EDA: variants seen among roughly 807,000 people sequenced by gnomAD.
The protein encoded by EDA is ectodysplasin A, also known as ectodysplasin-A.
EDA carries 2 observed loss-of-function variants against 23.6 expected under a neutral mutation model. That is an observed-to-expected ratio of 0.08 (90% CI 0.03 to 0.27). EDA has a LOEUF of 0.27. Ranked by LOEUF, EDA falls within the 10% of genes least tolerant of loss-of-function variation. EDA has a pLI of 1.00. For missense variants in EDA, 229 were observed against 324.2 expected (o/e 0.71, Z 2.26); for synonymous variants, 131 against 132.0 (o/e 0.99, Z 0.05).
At chrX:69,686,201 G>T (rs1247939914) in intron 1 of EDA, among the ~76,000 whole-genome samples, 1 of 111,824 alleles carries the variant, frequency 8.9e-6, no homozygotes, top group Admixed American at 9.4e-5. Context: ...TTGAGACAGG[G>T]TTTCACCATG....
At chrX:69,887,939 A>G (rs1449617089) in intron 1 of EDA, among the ~76,000 whole-genome samples, 1 of 112,074 alleles carries the variant, frequency 8.9e-6, no homozygotes, top group Non-Finnish European at 1.9e-5. Context: ...CTTAGAATTG[A>G]AACAAAAGGA....
intron 1 of EDA, among the ~76,000 whole-genome samples, chrX:69,784,027 T>G (rs1337073176): frequency 9.2e-6 from 1 of 108,899 alleles, no homozygotes; most frequent in African/African-American, 3.3e-5. Context: ...TTGATTTGCA[T>G]TTCTCTGATG....
chrX:69,644,087 T>C (rs1932874738), intron 1 of EDA, among the ~76,000 whole-genome samples: 1 of 111,460 alleles, frequency 9.0e-6, no homozygotes, highest in Non-Finnish European at 1.9e-5. Context: ...CTATTTGGGC[T>C]CTTTTTTGGT....
intron 1 of EDA, among the ~76,000 whole-genome samples, chrX:69,685,213 A>T (rs2147290117): frequency 8.9e-6 from 1 of 112,149 alleles, no homozygotes; most frequent in Admixed American, 9.5e-5. Flanking sequence ...TTTCTGAATA[A>T]TGGAGAAAAC....
intron 1 of EDA, among the ~76,000 whole-genome samples, chrX:69,894,661 T>G (rs1312112924): frequency 9.0e-6 from 1 of 111,444 alleles, no homozygotes; most frequent in Non-Finnish European, 1.9e-5. Flanking sequence ...TTATCTTTTT[T>G]GTGGCTATTG....
In EDA at chrX:69,788,217, C is replaced by T. The variant is rs184421728; in HGVS notation, c.397-168810C>T. On this transcript the variant is annotated intron_variant, in intron 1 of 7. Transcript: ENST00000374552. ...TCTAAATTGTTTTCAAAGTTTTCAA[C>T]TTCTTTGCCTTTGGTTTGAATTTCC... Among the ~76,000 whole-genome samples, 46 of 111,915 alleles carry T rather than the reference C, an allele frequency of 4.1e-4. No individual in the cohort carries two copies. In the East Asian group the frequency reaches 0.01, roughly 25 times the overall value.
chrX:69,677,668 T>C (rs1269490901), intron 1 of EDA, among the ~76,000 whole-genome samples: 2 of 106,561 alleles, frequency 1.9e-5, no homozygotes, highest in Admixed American at 2.0e-4. Context: ...CACTTTTTGA[T>C]GGGGTTGTTT....
At chrX:69,777,868 A>G (rs982174021) in intron 1 of EDA, among the ~76,000 whole-genome samples, 5 of 112,350 alleles carry the variant, frequency 4.5e-5, no homozygotes, top group African/African-American at 1.3e-4. Flanking sequence ...CTAAAAATGC[A>G]TGTGGATGTT....
At chrX:69,620,258 T>C (rs1198011939) in intron 1 of EDA, among the ~76,000 whole-genome samples, 4 of 112,431 alleles carry the variant, frequency 3.6e-5, no homozygotes, top group Non-Finnish European at 7.5e-5. Context: ...TAGTATCTTA[T>C]TCAACTCATT....
intron 1 of EDA, among the ~76,000 whole-genome samples, chrX:69,747,927 C>T (rs2013673928): frequency 9.0e-6 from 1 of 111,263 alleles, no homozygotes; most frequent in Non-Finnish European, 1.9e-5. Flanking sequence ...GTTAATTCAG[C>T]CACTGCCCTG....
chrX:69,963,854 AT>A (rs1267552773), intron 2 of EDA, among the ~76,000 whole-genome samples: 1 of 111,663 alleles, frequency 9.0e-6, no homozygotes, highest in African/African-American at 3.3e-5. Flanking sequence ...TATTTATGGG[AT>A]TTTTTAAATT....
intron 1 of EDA, among the ~76,000 whole-genome samples, chrX:69,856,183 G>A (rs1398144703): frequency 9.2e-6 from 1 of 108,391 alleles, no homozygotes; most frequent in Non-Finnish European, 1.9e-5. Context: ...TAGAATGATG[G>A]TCTCCAACTC....
At chrX:69,971,811 A>G (rs1331456328) in intron 2 of EDA, among the ~76,000 whole-genome samples, 1 of 111,121 alleles carries the variant, frequency 9.0e-6, no homozygotes, top group Non-Finnish European at 1.9e-5. Context: ...CATAATGCAA[A>G]CAGTTAAGTA....
In EDA at chrX:70,036,157, G is replaced by C. The variant is rs2020265028; in HGVS notation, c.*548G>C. On this transcript the variant is annotated 3_prime_UTR_variant, in exon 8 of 8. Transcript: ENST00000374552. ...CTGCCAAGGAGCATCCTTGGCAGTGGGAATGTTCTTTCTGCTCTATACTGT... is the reference window on the plus strand; with the variant it reads ...CTGCCAAGGAGCATCCTTGGCAGTGCGAATGTTCTTTCTGCTCTATACTGT... 8.4e-6 allele frequency: 1 copy of C among 118,381 alleles called. No homozygotes were observed. The highest frequency in any genetic ancestry group is 3.3e-5 in the African/African-American group (1 of 30,672). 9.8% of individuals were successfully genotyped at this position (118,381 alleles called of 1,213,427 possible).
intron 2 of EDA, among the ~76,000 whole-genome samples, chrX:70,022,493 C>A (rs1461562680): frequency 1.8e-5 from 2 of 109,053 alleles, no homozygotes; most frequent in Non-Finnish European, 3.8e-5. Context: ...CCCACCACCA[C>A]GCCCAGCTAA....
intron 1 of EDA, chrX:69,743,070 T>G (rs996244306): frequency 1.8e-5 from 2 of 111,477 alleles, no homozygotes; most frequent in African/African-American, 3.3e-5. Flanking sequence ...ACCTCATTTT[T>G]TTCCTACCTC....
In EDA at chrX:70,035,740, T is replaced by C; in HGVS notation, c.*131T>C. Reference sequence around the variant, plus strand: ...CCGCAGAGAAATGCCCCAGTGTTATTTATTCCCCAGTGACTCCAGGGTGAC... The same window carrying C: ...CCGCAGAGAAATGCCCCAGTGTTATCTATTCCCCAGTGACTCCAGGGTGAC... On this transcript the variant is annotated 3_prime_UTR_variant, in exon 8 of 8. Transcript: ENST00000374552. 4 of 858,919 alleles carry C rather than the reference T, an allele frequency of 4.7e-6. No individual in the cohort carries two copies. Among genetic ancestry groups the C allele is most frequent in the Non-Finnish European group, 6.6e-6 (4 of 605,716 alleles). 70.8% of individuals were successfully genotyped at this position (858,919 alleles called of 1,213,427 possible).
chrX:69,793,292 A>G (rs984903240), intron 1 of EDA, among the ~76,000 whole-genome samples: 1 of 111,679 alleles, frequency 9.0e-6, no homozygotes, highest in Non-Finnish European at 1.9e-5. Context: ...TTTGCATTCT[A>G]TCACACCATA....
chrX:69,895,271 C>G (rs2017994255), intron 1 of EDA, among the ~76,000 whole-genome samples: 1 of 110,244 alleles, frequency 9.1e-6, no homozygotes, highest in African/African-American at 3.3e-5. Flanking sequence ...CTTGATCACA[C>G]CACCTCTATT....
Sources: gnomAD v4.1 joint callset for allele counts (sites outside exome capture counted in the v4.1 genomes callset) on GRCh38, gnomAD v4.1.1 for gene constraint, MANE v1.5 for transcripts, NCBI Gene and HGNC (gene_info 2026-07-23, HGNC 2026-07-21) for gene names.